IP6K2: variants seen among roughly 807,000 people sequenced by gnomAD.
IP6K2 encodes the protein inositol hexakisphosphate kinase 2.
IP6K2 carries 9 observed loss-of-function variants against 43.3 expected under a neutral mutation model. The observed-to-expected ratio is 0.21, with a 90% CI of 0.13 to 0.36. IP6K2 has a LOEUF of 0.36. Ranked by LOEUF, IP6K2 falls within the 10% of genes least tolerant of loss-of-function variation. IP6K2 has a pLI of 1.00. For missense variants in IP6K2, 332 were observed against 538.4 expected, an observed-to-expected ratio of 0.62 and a Z score of 3.79; for synonymous variants, 209 against 202.4, an observed-to-expected ratio of 1.03 and a Z score of -0.28.
intron 1 of IP6K2, chr3:48,715,193 T>C (rs1575796361): frequency 4.1e-6 from 4 of 970,216 alleles, no homozygotes; most frequent in Non-Finnish European, 4.7e-6. Context: ...TACTTTCTAA[T>C]GTATAAGAGT....
intron 1 of IP6K2, among the ~76,000 whole-genome samples, chr3:48,696,092 G>C (rs1231297170): frequency 6.6e-6 from 1 of 151,744 alleles, no homozygotes; most frequent in Non-Finnish European, 1.5e-5. Context: ...CACCACGTTG[G>C]CTGGCATGGT....
chr3:48,709,296 G>C (rs1225619058), intron 1 of IP6K2, among the ~76,000 whole-genome samples: 1 of 152,168 alleles, frequency 6.6e-6, no homozygotes. Flanking sequence ...GCATTTGCTG[G>C]AGCAGGAACA....
At chr3:48,715,491 G>A (rs1297280449) in intron 1 of IP6K2, 4 of 1,531,470 alleles carry the variant, frequency 2.6e-6, no homozygotes, top group Admixed American at 3.9e-5. Flanking sequence ...ACAGATACAG[G>A]GCTAGCATAC....
chr3:48,714,202 A>G lies in IP6K2; in HGVS notation c.-131+2955T>C, dbSNP rs1263666282. ...AAATTTGTTTAGTTTTGTTTTTTTG[A>G]GACAGAGGATCCTGCCACCACACCC... On this transcript the variant is annotated intron_variant, in intron 1 of 5. Transcript: ENST00000328631. Among the ~76,000 whole-genome samples the G allele has an allele frequency of 2.0e-5, 3 of 152,158 alleles. 1 individual carries two copies. The highest frequency in any genetic ancestry group is 7.2e-5 in the African/African-American group (3 of 41,456).
In IP6K2 at chr3:48,688,231, G is replaced by A; in HGVS notation, c.*42C>T. 6.3e-7 allele frequency: 1 copy of A among 1,595,660 alleles called. No homozygotes were observed. On this transcript the variant is annotated 3_prime_UTR_variant, in exon 6 of 6. Transcript: ENST00000328631. This position sits in a 1 kb window ranked among gnomAD's most constrained non-coding sequence, Gnocchi z 5.1. ...TCCCTGACGCAGCACAGCTGTGCCT[G>A]GGACACAGAGTCGCTCTCAAGTACT...
At chr3:48,693,773 T>C (rs1490402791) in intron 2 of IP6K2, 2 of 1,041,726 alleles carry the variant, frequency 1.9e-6, no homozygotes, top group African/African-American at 1.7e-5. Context: ...CTTTTGTTCT[T>C]ATAAAATATG....
At chr3:48,710,618 T>G (rs1422973781) in intron 1 of IP6K2, among the ~76,000 whole-genome samples, 1 of 148,804 alleles carries the variant, frequency 6.7e-6, no homozygotes, top group Non-Finnish European at 1.5e-5. Flanking sequence ...ATTAGTTTAG[T>G]TTTTTTTTTG....
chr3:48,694,920 G>T, intron 2 of IP6K2, 170 bp downstream of exon 2: 1 of 1,549,012 alleles, frequency 6.5e-7, no homozygotes, highest in East Asian at 2.4e-5. Flanking sequence ...TGAAAACTGA[G>T]GGTGTGAGAT....
At chr3:48,705,145 G>A (rs13090013) in intron 1 of IP6K2, among the ~76,000 whole-genome samples, 20,221 of 151,400 alleles carry the variant, frequency 0.13, 1,506 homozygotes, top group African/African-American at 0.2. Context: ...CGGTTTCACC[G>A]TGTTAGCCAG....
chr3:48,690,994 G>C (rs1054803247), intron 4 of IP6K2, among the ~76,000 whole-genome samples: 5 of 152,118 alleles, frequency 3.3e-5, no homozygotes, highest in African/African-American at 9.7e-5. Flanking sequence ...ACAGGGAGCA[G>C]CTCCTTGCCC....
At chr3:48,697,220 C>T (rs1004128195) in intron 1 of IP6K2, among the ~76,000 whole-genome samples, 2 of 151,928 alleles carry the variant, frequency 1.3e-5, no homozygotes, top group African/African-American at 4.8e-5. Flanking sequence ...CGGGGTTTCA[C>T]CATGTTAGCC....
rs769242330 is a variant in IP6K2 at position 48,706,924 on chromosome 3, A to AT, written c.-131+10232dup. ...ATTTTTAAATGTGTAACTTTTTGTG[A>AT]TTTTTTTCAATCTAAACAAACATTC... On this transcript the variant is annotated intron_variant, in intron 1 of 5. Coordinates refer to ENST00000328631, the MANE Select transcript of IP6K2 (RefSeq NM_016291.4). Among the ~76,000 whole-genome samples, 24 of 152,240 alleles carry AT rather than the reference A, an allele frequency of 1.6e-4. No homozygotes were observed. In the East Asian group the frequency reaches 2.5e-3, roughly 16 times the overall value.
At chr3:48,705,872 A>T (rs1014947273) in intron 1 of IP6K2, among the ~76,000 whole-genome samples, 49 of 140,144 alleles carry the variant, frequency 3.5e-4, no homozygotes, top group Admixed American at 3.9e-4. Context: ...AAAAATAAAA[A>T]AAATAAAAAA....
rs896506882 is a variant in IP6K2 at position 48,706,163 on chromosome 3, C to T, written c.-130-10742G>A. On this transcript the variant is annotated intron_variant, in intron 1 of 5. Coordinates refer to ENST00000328631, the MANE Select transcript of IP6K2 (RefSeq NM_016291.4). ...CGGAGGTTGCAGTGAGCCGAGACTACGCCATTGCACTCCAGCCTGAGCTAC... is the reference window on the plus strand; with the variant it reads ...CGGAGGTTGCAGTGAGCCGAGACTATGCCATTGCACTCCAGCCTGAGCTAC... Among the ~76,000 whole-genome samples the T allele has an allele frequency of 6.6e-5, 10 of 151,632 alleles. No homozygotes were observed. The East Asian group carries it at 7.7e-4, about 12-fold the overall frequency.
At chr3:48,712,805 T>TC (rs2080712237) in intron 1 of IP6K2, among the ~76,000 whole-genome samples, 1 of 151,668 alleles carries the variant, frequency 6.6e-6, no homozygotes. Flanking sequence ...TCACTTGAGG[T>TC]CAGGAGTTCG....
chr3:48,691,520 A>G, intron 3 of IP6K2, 38 bp from the exon 4 acceptor site: 2 of 1,517,698 alleles, frequency 1.3e-6, no homozygotes, highest in Non-Finnish European at 1.8e-6. Context: ...AGTATGTCTT[A>G]TCAGAATTCA....
chr3:48,708,796 G>A (rs747484818), intron 1 of IP6K2, among the ~76,000 whole-genome samples: 55 of 152,144 alleles, frequency 3.6e-4, no homozygotes, highest in Admixed American at 3.3e-4. Context: ...CATAGGGCCC[G>A]TGTGGTGGCT....
At chr3:48,690,132 T>C (rs1333084464) in intron 4 of IP6K2, among the ~76,000 whole-genome samples, 1 of 152,240 alleles carries the variant, frequency 6.6e-6, no homozygotes, top group Non-Finnish European at 1.5e-5. Context: ...CTTTGCTCTT[T>C]AAACGTCTGC....
At chr3:48,709,531 GAA>G (rs1223752829) in intron 1 of IP6K2, among the ~76,000 whole-genome samples, 1 of 152,144 alleles carries the variant, frequency 6.6e-6, no homozygotes, top group African/African-American at 2.4e-5. Flanking sequence ...ACGATTCTGA[GAA>G]AAGTCTTAAG....
Sources: gnomAD v4.1 joint callset for allele counts (sites outside exome capture counted in the v4.1 genomes callset) on GRCh38, gnomAD v4.1.1 for gene constraint, Gnocchi (gnomAD v3.1) non-coding constraint, MANE v1.5 for transcripts, NCBI Gene and HGNC (gene_info 2026-07-23, HGNC 2026-07-21) for gene names.